Variants in TOGARAM2 observed in about 807,000 individuals in gnomAD.
TOGARAM2 encodes TOG array regulator of axonemal microtubules 2, also known as TOG array regulator of axonemal microtubules protein 2.
In TOGARAM2, 85 loss-of-function variants were observed where a neutral mutation model predicts 93.3. That is an observed-to-expected ratio of 0.91 (90% confidence interval 0.76 to 1.09). The LOEUF is 1.09. Ranked by LOEUF, TOGARAM2 falls within the 50% of genes least tolerant of loss-of-function variation. The probability of loss-of-function intolerance (pLI) is 0.00; values close to 1 mark genes in which losing one functional copy is unlikely to be tolerated. For synonymous variants in TOGARAM2, 593 were observed against 552.8 expected (o/e 1.07, Z -1.02); for missense variants, 1,277 against 1,334.5 (o/e 0.96, Z 0.67).
intron 1 of TOGARAM2, among the ~76,000 whole-genome samples, chr2:28,966,615 A>G (rs1030080653): frequency 1.3e-5 from 2 of 152,230 alleles, no homozygotes; most frequent in African/African-American, 4.8e-5. Flanking sequence ...TAATAATTTA[A>G]GAATGTATAT....
At chr2:28,979,628 G>T (rs1249413337), upstream of TOGARAM2, among the ~76,000 whole-genome samples, 1 of 152,196 alleles carries the variant, frequency 6.6e-6, no homozygotes, top group Non-Finnish European at 1.5e-5. Flanking sequence ...CTAGCATTTG[G>T]CACAGAGCAT....
At chr2:28,991,568 G>A (rs11897998) in intron 1 of TOGARAM2, among the ~76,000 whole-genome samples, 3,078 of 152,276 alleles carry the variant, frequency 0.02, 108 homozygotes, top group African/African-American at 0.071. Context: ...AAGTCGGAGC[G>A]GGTGGTGTCA....
chr2:28,994,947 G>A (rs1672921587), intron 2 of TOGARAM2, 85 bp downstream of exon 2: 3 of 1,487,906 alleles, frequency 2.0e-6, no homozygotes, highest in Non-Finnish European at 2.8e-6. Flanking sequence ...CAGAAAAAGG[G>A]AGATGTGGGG....
At chr2:28,989,437 G>T (rs370003876) in intron 1 of TOGARAM2, among the ~76,000 whole-genome samples, 1 of 150,648 alleles carries the variant, frequency 6.6e-6, no homozygotes, top group South Asian at 2.1e-4. Flanking sequence ...GGTCTTTGTC[G>T]CCCAGACTGG....
intron 1 of TOGARAM2, among the ~76,000 whole-genome samples, chr2:28,957,007 C>G (rs1050172055): frequency 1.3e-5 from 2 of 151,870 alleles, no homozygotes; most frequent in Non-Finnish European, 2.9e-5. Flanking sequence ...CATCTGTAAT[C>G]CCAGGAGAAT....
At chr2:29,005,973 G>A (rs1195347852) in intron 6 of TOGARAM2, among the ~76,000 whole-genome samples, 4 of 78,102 alleles carry the variant, frequency 5.1e-5, no homozygotes, top group Non-Finnish European at 1.2e-4. Context: ...TTGTGTGTGA[G>A]ACCGTATGAG....
At chr2:28,962,178 G>GT (rs768065714) in intron 1 of TOGARAM2, among the ~76,000 whole-genome samples, 564 of 142,618 alleles carry the variant, frequency 4.0e-3, no homozygotes, top group Middle Eastern at 7.2e-3. Context: ...TACATACATA[G>GT]TTTTTTTTTT....
chr2:28,982,348 C>G (rs1393668330), intron 1 of TOGARAM2, among the ~76,000 whole-genome samples: 1 of 152,082 alleles, frequency 6.6e-6, no homozygotes, highest in East Asian at 1.9e-4. Flanking sequence ...TCCTCAGGAG[C>G]GCTGGGAGGG....
At chr2:29,033,905 G>C (rs1665930108) in intron 16 of TOGARAM2, among the ~76,000 whole-genome samples, 1 of 152,134 alleles carries the variant, frequency 6.6e-6, no homozygotes, top group African/African-American at 2.4e-5. Context: ...TTAACCACCA[G>C]AGTGGCCAGC....
Position 29,051,680 on chromosome 2 carries a change from G to A in TOGARAM2, c.2723-76G>A, listed in dbSNP as rs891322492. ...GGCTGCCAGCCCTTTGGGGGACAAA[G>A]TTGGTGTCCCAAGAGAGGGAAGTGG... On this transcript the variant is annotated intron_variant, in intron 19 of 19. Transcript: ENST00000379558. 2.8e-5 allele frequency: 36 copies of A among 1,267,232 alleles called. 1 individual carries two copies. The highest frequency in any genetic ancestry group is 3.4e-5 in the Non-Finnish European group (32 of 938,802). 78.5% of individuals were successfully genotyped at this position (1,267,232 alleles called of 1,614,324 possible).
intron 6 of TOGARAM2, among the ~76,000 whole-genome samples, chr2:29,004,467 G>C (rs1421291825): frequency 6.6e-6 from 1 of 152,250 alleles, no homozygotes; most frequent in Non-Finnish European, 1.5e-5. Flanking sequence ...GGATCTTTGT[G>C]TTGGCATAAA....
At chr2:29,050,603 G>A (rs965616852) in intron 19 of TOGARAM2, 6 of 152,160 alleles carry the variant, frequency 3.9e-5, no homozygotes, top group African/African-American at 1.4e-4. Context: ...GAAGCTCTGA[G>A]CCCTGGGCTC....
intron 1 of TOGARAM2, among the ~76,000 whole-genome samples, chr2:28,973,438 T>C (rs1671980210): frequency 1.8e-5 from 1 of 55,284 alleles, no homozygotes; most frequent in African/African-American, 6.0e-5. Context: ...CTTCCTTCCC[T>C]TCCCCTTCCT....
At chr2:28,990,094 G>A (rs538556907) in intron 1 of TOGARAM2, among the ~76,000 whole-genome samples, 1 of 152,280 alleles carries the variant, frequency 6.6e-6, no homozygotes, top group East Asian at 1.9e-4. Context: ...GGAGGGGTGA[G>A]ATGTATGTGT....
upstream of TOGARAM2, among the ~76,000 whole-genome samples, chr2:28,978,452 C>A (rs1284675471): frequency 6.6e-6 from 1 of 152,092 alleles, no homozygotes. Context: ...CTTCTTGTTG[C>A]TAGACATAGA....
intron 1 of TOGARAM2, among the ~76,000 whole-genome samples, chr2:28,963,869 A>G (rs562694703): frequency 6.6e-6 from 1 of 152,274 alleles, no homozygotes; most frequent in Non-Finnish European, 1.5e-5. Context: ...TTAGCTGGGC[A>G]TGGTAGTGTG....
upstream of TOGARAM2, among the ~76,000 whole-genome samples, chr2:28,976,373 AAAC>A (rs369538045): frequency 2.0e-5 from 3 of 151,924 alleles, no homozygotes; most frequent in Admixed American, 6.6e-5. Flanking sequence ...TCCATCTCAA[AAAC>A]AACAACAACA....
intron 18 of TOGARAM2, 104 bp downstream of exon 18, chr2:29,036,861 G>A: frequency 8.6e-7 from 1 of 1,163,460 alleles, no homozygotes; most frequent in Non-Finnish European, 1.2e-6. Flanking sequence ...CAGGCCAGAT[G>A]TTTCACCAGA....
intron 15 of TOGARAM2, 173 bp from the exon 16 acceptor site, chr2:29,033,296 G>A: frequency 1.4e-6 from 1 of 701,032 alleles, no homozygotes; most frequent in Non-Finnish European, 2.4e-6. Flanking sequence ...TGTTAACCAG[G>A]GATCTTGATC....
Sources: gnomAD v4.1 joint callset for allele counts (sites outside exome capture counted in the v4.1 genomes callset) on GRCh38, gnomAD v4.1.1 for gene constraint, MANE v1.5 for transcripts, NCBI Gene and HGNC (gene_info 2026-07-23, HGNC 2026-07-21) for gene names.